The following TCERG1L variants were observed in gnomAD, a reference collection of about 807,000 sequenced individuals.
TCERG1L encodes the protein transcription elongation regulator 1 like.
TCERG1L carries 37 observed loss-of-function variants against 56.3 expected under a neutral mutation model. The observed-to-expected ratio is 0.66, with a 90% CI of 0.51 to 0.87. The LOEUF (loss-of-function observed/expected upper bound fraction) is 0.87, where lower values mean the gene tolerates loss of function less well. Among genes scored for constraint, TCERG1L ranks in the 40% least tolerant of loss-of-function variants. The probability of loss-of-function intolerance (pLI) is 0.00; values close to 1 mark genes in which losing one functional copy is unlikely to be tolerated. For missense variants in TCERG1L, 799 were observed against 774.2 expected (o/e 1.03, Z -0.38); for synonymous variants, 324 against 326.3 (o/e 0.99, Z 0.08).
At chr10:131,190,364 T>C (rs949869368) in intron 4 of TCERG1L, among the ~76,000 whole-genome samples, 4 of 152,130 alleles carry the variant, frequency 2.6e-5, no homozygotes, top group African/African-American at 9.7e-5. Flanking sequence ...TTGGTACCAA[T>C]CCTACTGAAA....
chr10:131,279,550 T>C (rs1403983206), intron 3 of TCERG1L, among the ~76,000 whole-genome samples: 1 of 152,160 alleles, frequency 6.6e-6, no homozygotes, highest in Non-Finnish European at 1.5e-5. Flanking sequence ...CAGTGACATC[T>C]GGCGAGACAA....
intron 7 of TCERG1L, among the ~76,000 whole-genome samples, chr10:131,139,796 G>T (rs949327867): frequency 3.3e-5 from 5 of 151,646 alleles, no homozygotes; most frequent in African/African-American, 1.2e-4. Flanking sequence ...GTGCTTGTGT[G>T]TCTGTGTGCG....
In TCERG1L at chr10:131,140,634, G is replaced by A. The variant is rs116546467; in HGVS notation, c.1189+5872C>T. 9.9e-3 allele frequency among the ~76,000 whole-genome samples: 1,501 copies of A among 152,350 alleles called. 28 individuals carry two copies. Among genetic ancestry groups the A allele is most frequent in the African/African-American group, 0.035 (1,436 of 41,584 alleles). The stretch of plus-strand genomic sequence containing the variant: ...TTTCCTGGGCACGAAGAGGGGCACA[G>A]TGGGGGGTCCTCCTGCACGGGCCAA... On this transcript the variant is annotated intron_variant, in intron 7 of 11. Transcript: ENST00000368642.
chr10:131,102,831 G>A (rs1392456445), intron 10 of TCERG1L, among the ~76,000 whole-genome samples: 2 of 152,088 alleles, frequency 1.3e-5, no homozygotes, highest in African/African-American at 2.4e-5. Context: ...GGCTGTGCTC[G>A]CTGATGCCGT....
chr10:131,208,403 C>T (rs908451500), intron 4 of TCERG1L, among the ~76,000 whole-genome samples: 4 of 152,160 alleles, frequency 2.6e-5, no homozygotes, highest in Non-Finnish European at 2.9e-5. Context: ...CCACAGAGCT[C>T]GACAGAGATG....
At chr10:131,098,810 A>C (rs1845275417) in intron 10 of TCERG1L, among the ~76,000 whole-genome samples, 2 of 152,166 alleles carry the variant, frequency 1.3e-5, no homozygotes, top group African/African-American at 4.8e-5. Context: ...AGCATCTGTA[A>C]CGCGCGGCCT....
chr10:131,254,957 T>A (rs1277304811), intron 4 of TCERG1L, among the ~76,000 whole-genome samples: 1 of 152,122 alleles, frequency 6.6e-6, no homozygotes, highest in Non-Finnish European at 1.5e-5. Context: ...GGTAGTTGCA[T>A]CCGTCAACCT....
At chr10:131,169,282 C>A (rs910552045) in intron 4 of TCERG1L, among the ~76,000 whole-genome samples, 1 of 142,926 alleles carries the variant, frequency 7.0e-6, no homozygotes, top group Non-Finnish European at 1.5e-5. Context: ...GGGGACACAG[C>A]CATGCCCTGG....
intron 2 of TCERG1L, 140 bp downstream of exon 2, chr10:131,309,013 T>A (rs186535407): frequency 1.3e-5 from 13 of 973,048 alleles, no homozygotes; most frequent in Non-Finnish European, 1.9e-5. Context: ...ATCAATCTAA[T>A]CCTGAAATGA....
At chr10:131,133,437 G>A (rs1845640113) in intron 8 of TCERG1L, among the ~76,000 whole-genome samples, 1 of 152,176 alleles carries the variant, frequency 6.6e-6, no homozygotes, top group South Asian at 2.1e-4. Context: ...GCTGATGCAG[G>A]AGCCTGGTGC....
chr10:131,160,864 C>T lies in TCERG1L; in HGVS notation c.1034+2258G>A, dbSNP rs886126386. On this transcript the variant is annotated intron_variant, in intron 6 of 11. Transcript: ENST00000368642. ...CGCTGGGGAAGAAAGCCGCAGCTTT[C>T]GCAGTGAGAAGGTTCTAGGGCTCAA... is the stretch of plus-strand genomic sequence containing the variant. The T allele has an allele frequency of 1.1e-4, 17 of 152,150 alleles. 1 individual carries two copies. The highest frequency in any genetic ancestry group is 4.6e-4 in the Admixed American group (7 of 15,232). The allele number at this position is 152,150 out of a possible 1,614,324, so 9.4% of individuals were successfully genotyped here.
chr10:131,123,055 G>A (rs1034870555), intron 8 of TCERG1L, among the ~76,000 whole-genome samples: 13 of 151,978 alleles, frequency 8.6e-5, no homozygotes, highest in Non-Finnish European at 1.3e-4. Flanking sequence ...AGAACCCACC[G>A]GCCCCACACA....
chr10:131,276,810 A>G (rs971985877), intron 3 of TCERG1L, among the ~76,000 whole-genome samples: 44 of 152,296 alleles, frequency 2.9e-4, no homozygotes, highest in African/African-American at 1.0e-3. Context: ...ACAGGTCTTC[A>G]GTGGATCGCG....
chr10:131,291,400 T>TC (rs1846622388), intron 3 of TCERG1L, among the ~76,000 whole-genome samples: 1 of 104,532 alleles, frequency 9.6e-6, no homozygotes, highest in Non-Finnish European at 2.0e-5. Flanking sequence ...AAACAGCATT[T>TC]CTTTTTTTTT....
At chr10:131,130,804 G>A (rs962280368) in intron 8 of TCERG1L, among the ~76,000 whole-genome samples, 11 of 152,014 alleles carry the variant, frequency 7.2e-5, no homozygotes, top group African/African-American at 2.7e-4. Flanking sequence ...GATCAGTGGT[G>A]GGGGAGTCAC....
At chr10:131,258,671 C>G (rs954421316) in intron 4 of TCERG1L, among the ~76,000 whole-genome samples, 1 of 152,238 alleles carries the variant, frequency 6.6e-6, no homozygotes, top group African/African-American at 2.4e-5. Flanking sequence ...CCCCTTTCAT[C>G]TTCCTGTCAG....
rs985217182 is a variant in TCERG1L, at chr10:131,311,021, G to A, written c.342+273C>T. Among the ~76,000 whole-genome samples the A allele has an allele frequency of 2.0e-5, 3 of 152,292 alleles. No individual in the cohort carries two copies. The highest frequency in any genetic ancestry group is 4.8e-5 in the African/African-American group (2 of 41,566). On this transcript the variant is annotated intron_variant, in intron 1 of 11. Coordinates refer to ENST00000368642, the MANE Select transcript of TCERG1L (RefSeq NM_174937.4). This position sits in a 1 kb window ranked among gnomAD's most constrained non-coding sequence, Gnocchi z 4.0. ...CCCCGGCGTGGCGCGAGTTCCCTGC[G>A]GTCCCCACGCGGGCCTGGGCGGCGG...
chr10:131,198,694 G>A, intron 4 of TCERG1L, among the ~76,000 whole-genome samples: 1 of 152,212 alleles, frequency 6.6e-6, no homozygotes, highest in East Asian at 1.9e-4. Context: ...GCATGCTGGT[G>A]ACTCTACGGG....
At chr10:131,124,338 C>T (rs1365066795) in intron 8 of TCERG1L, among the ~76,000 whole-genome samples, 2 of 152,200 alleles carry the variant, frequency 1.3e-5, no homozygotes, top group African/African-American at 2.4e-5. Flanking sequence ...GCCTTCCTCT[C>T]ATACCATTAG....
Sources: gnomAD v4.1 joint callset for allele counts (sites outside exome capture counted in the v4.1 genomes callset) on GRCh38, gnomAD v4.1.1 for gene constraint, Gnocchi (gnomAD v3.1) non-coding constraint, MANE v1.5 for transcripts, NCBI Gene and HGNC (gene_info 2026-07-23, HGNC 2026-07-21) for gene names.